LPP: variants seen among roughly 807,000 people sequenced by gnomAD.
LPP encodes the protein lipoma-preferred partner.
Under a neutral mutation model 60.4 loss-of-function variants are expected in LPP, and 38 were observed. The ratio of observed to expected loss-of-function variants is 0.63; its 90% CI spans 0.49 to 0.83. The LOEUF is 0.83. Ranked by LOEUF, LPP falls within the 40% of genes least tolerant of loss-of-function variation. The pLI is 0.00. For missense variants in LPP, 902 were observed against 783.6 expected (o/e 1.15, Z -1.80); for synonymous variants, 328 against 290.8 (o/e 1.13, Z -1.30).
At position 188,210,366 on chromosome 3, in the gene LPP, G is replaced by C. The variant is rs182503822; in HGVS notation, c.-189-15039G>C. Among the ~76,000 whole-genome samples, 3 of 152,294 alleles carry C rather than the reference G, an allele frequency of 2.0e-5. No homozygotes were observed. In the East Asian group the frequency reaches 5.8e-4, roughly 29 times the overall value. ...ATAGGTTGAAATATGGTCCTGAGAG[G>C]CAGAACGTGAAGCAAGGGATGGAAG... is the stretch of plus-strand genomic sequence containing the variant. On this transcript the variant is annotated intron_variant, in intron 1 of 11. Coordinates refer to ENST00000617246, the MANE Select transcript of LPP (RefSeq NM_001375462.1).
intron 9 of LPP, among the ~76,000 whole-genome samples, chr3:188,832,362 C>T (rs1055243024): frequency 3.3e-5 from 5 of 152,272 alleles, no homozygotes; most frequent in African/African-American, 9.6e-5. Flanking sequence ...TCCTGACTCA[C>T]ATACCCACAA....
In LPP at chr3:188,207,621, C is replaced by CTTTT. The variant is rs77534309; in HGVS notation, c.-189-17769_-189-17766dup. Among the ~76,000 whole-genome samples, 6 of 131,302 alleles carry CTTTT rather than the reference C, an allele frequency of 4.6e-5. 1 individual carries two copies. The South Asian group carries it at 1.5e-3, about 32-fold the overall frequency. 86.1% of individuals were successfully genotyped at this position (131,302 alleles called of 152,430 possible). A position where few individuals can be genotyped will look rare whatever the true frequency, so the allele number is the denominator to read the frequency against. On this transcript the variant is annotated intron_variant, in intron 1 of 11. Coordinates refer to ENST00000617246, the MANE Select transcript of LPP (RefSeq NM_001375462.1). ...TTCAAATCTTTCTTTTCTTTTTCTT[C>CTTTT]TTTTTTTTTTTTTTTTTTAAAGATG...
chr3:188,721,862 G>A (rs1046450574), intron 8 of LPP, among the ~76,000 whole-genome samples: 7 of 152,038 alleles, frequency 4.6e-5, no homozygotes, highest in Admixed American at 6.6e-5. Flanking sequence ...ATCTTAGGCC[G>A]GTTTCTCTTC....
intron 1 of LPP, among the ~76,000 whole-genome samples, chr3:188,185,341 G>A (rs916918225): frequency 2.6e-5 from 4 of 152,044 alleles, no homozygotes; most frequent in Non-Finnish European, 5.9e-5. Flanking sequence ...ACTGAGTCCA[G>A]TAAATGCAAG....
chr3:188,575,781 G>T (rs1834474945), intron 6 of LPP, among the ~76,000 whole-genome samples: 1 of 152,150 alleles, frequency 6.6e-6, no homozygotes, highest in South Asian at 2.1e-4. Flanking sequence ...TGGACTTCTT[G>T]ATTGAAGCAT....
chr3:188,857,171 C>T (rs1200403359), intron 9 of LPP, among the ~76,000 whole-genome samples: 1 of 152,082 alleles, frequency 6.6e-6, no homozygotes, highest in East Asian at 1.9e-4. Context: ...ATGCAGTGTC[C>T]TAGTATGTGA....
At chr3:188,411,549 G>A (rs922099583) in intron 4 of LPP, among the ~76,000 whole-genome samples, 6 of 152,272 alleles carry the variant, frequency 3.9e-5, no homozygotes, top group South Asian at 2.1e-4. Context: ...TATTTATGAT[G>A]TTGTTCCATC....
rs878858813 is a variant in LPP at position 188,888,200 on chromosome 3, C to T, written c.*13721C>T. 2.3e-5 allele frequency: 5 copies of T among 219,272 alleles called. No individual in the cohort carries two copies. Among genetic ancestry groups the T allele is most frequent in the Non-Finnish European group, 4.6e-5 (5 of 109,168 alleles). The allele number at this position is 219,272 out of a possible 1,614,324, so 13.6% of individuals were successfully genotyped here. On this transcript the variant is annotated 3_prime_UTR_variant, in exon 12 of 12. Transcript: ENST00000617246. Reference sequence around the variant, plus strand: ...TTACTCTAACAGATTTAGGGCTTCTCTTTCTCTACAGCTAAGTAAGGGAAT... The same window carrying T: ...TTACTCTAACAGATTTAGGGCTTCTTTTTCTCTACAGCTAAGTAAGGGAAT...
At chr3:188,569,027 A>T (rs1187750869) in intron 6 of LPP, 1 of 151,866 alleles carries the variant, frequency 6.6e-6, no homozygotes, top group Non-Finnish European at 1.5e-5. Context: ...TTCAAGGCTG[A>T]CCACAGTCTA....
At chr3:188,393,979 C>A (rs1218933077) in intron 3 of LPP, among the ~76,000 whole-genome samples, 1 of 152,128 alleles carries the variant, frequency 6.6e-6, no homozygotes, top group Non-Finnish European at 1.5e-5. Context: ...GATTTAAATG[C>A]CCCTGTAATG....
chr3:188,558,494 C>A (rs1241327327), intron 6 of LPP, among the ~76,000 whole-genome samples: 1 of 151,388 alleles, frequency 6.6e-6, no homozygotes, highest in Non-Finnish European at 1.5e-5. Context: ...TGTGTAGATT[C>A]AACTTCCTTG....
intron 4 of LPP, among the ~76,000 whole-genome samples, chr3:188,419,705 C>T (rs1021447885): frequency 6.6e-6 from 1 of 152,066 alleles, no homozygotes; most frequent in Non-Finnish European, 1.5e-5. Flanking sequence ...GTCTGGCCAA[C>T]ATGGCAAAAC....
chr3:188,652,447 T>G (rs1852285329), intron 7 of LPP, among the ~76,000 whole-genome samples: 1 of 152,116 alleles, frequency 6.6e-6, no homozygotes, highest in Non-Finnish European at 1.5e-5. Context: ...CCTTCTCAGG[T>G]GGAGTTTTGG....
At chr3:188,625,695 G>T (rs1416889272) in intron 7 of LPP, among the ~76,000 whole-genome samples, 1 of 152,052 alleles carries the variant, frequency 6.6e-6, no homozygotes, top group Non-Finnish European at 1.5e-5. Flanking sequence ...TTAACATTTA[G>T]ATTGATAAAC....
At chr3:188,274,900 A>G (rs190907091) in intron 2 of LPP, among the ~76,000 whole-genome samples, 4 of 152,344 alleles carry the variant, frequency 2.6e-5, no homozygotes, top group Non-Finnish European at 1.5e-5. Context: ...TAGTTTCTGA[A>G]CTATCTAGGA....
chr3:188,630,820 T>G (rs576366899), intron 7 of LPP, among the ~76,000 whole-genome samples: 1 of 152,304 alleles, frequency 6.6e-6, no homozygotes, highest in South Asian at 2.1e-4. Context: ...ATGGTATGTA[T>G]GCACCATGGA....
In LPP at chr3:188,217,345, G is replaced by A. The variant is rs897389299; in HGVS notation, c.-189-8060G>A. 6.6e-6 allele frequency among the ~76,000 whole-genome samples: 1 copy of A among 152,174 alleles called. No individual in the cohort carries two copies. Among genetic ancestry groups the A allele is most frequent in the Non-Finnish European group, 1.5e-5 (1 of 68,030 alleles). On this transcript the variant is annotated intron_variant, in intron 1 of 11. Transcript: ENST00000617246. The surrounding 1 kb of genome is among the most constrained non-coding windows in gnomAD (Gnocchi z 4.0). ...TTGAGGAACAGAAGGAGACTGATGT[G>A]CTGGCAGGATGTGGGCTGCAGGGGA...
At chr3:188,333,192 A>G (rs1016603420) in intron 2 of LPP, among the ~76,000 whole-genome samples, 3 of 152,204 alleles carry the variant, frequency 2.0e-5, no homozygotes, top group Admixed American at 2.0e-4. Flanking sequence ...ATTTCCTTAA[A>G]TAAGTGTCTT....
chr3:188,876,041 A>G lies in LPP; in HGVS notation c.*1562A>G, dbSNP rs757570628. 1.1e-5 allele frequency: 2 copies of G among 187,752 alleles called. No individual in the cohort carries two copies. The highest frequency in any genetic ancestry group is 2.2e-5 in the Non-Finnish European group (2 of 88,936). 11.6% of individuals were successfully genotyped at this position (187,752 alleles called of 1,614,324 possible). ...CCTAATACCCAGTTTAAGACACCAA[A>G]TATAACAAGTATAATTACATCCTCC... On this transcript the variant is annotated 3_prime_UTR_variant, in exon 12 of 12. Coordinates refer to ENST00000617246, the MANE Select transcript of LPP (RefSeq NM_001375462.1).
Sources: gnomAD v4.1 joint callset for allele counts (sites outside exome capture counted in the v4.1 genomes callset) on GRCh38, gnomAD v4.1.1 for gene constraint, Gnocchi (gnomAD v3.1) non-coding constraint, MANE v1.5 for transcripts, NCBI Gene and HGNC (gene_info 2026-07-23, HGNC 2026-07-21) for gene names.